ADCY1: variants seen among roughly 807,000 people sequenced by gnomAD.
ADCY1 encodes the protein adenylate cyclase type 1.
In ADCY1, 28 loss-of-function variants were observed where a neutral mutation model predicts 105.4. The observed-to-expected ratio is 0.27, with a 90% confidence interval of 0.20 to 0.36. The LOEUF is 0.36. ADCY1 is among the 10% of genes least tolerant of loss of function. The probability of loss-of-function intolerance (pLI) is 1.00; values close to 1 mark genes in which losing one functional copy is unlikely to be tolerated. For synonymous variants in ADCY1, 655 were observed against 623.8 expected, an observed-to-expected ratio of 1.05 and a Z score of -0.75; for missense variants, 977 against 1,434.2, an observed-to-expected ratio of 0.68 and a Z score of 5.15.
intron 7 of ADCY1, among the ~76,000 whole-genome samples, chr7:45,660,628 T>G (rs1369944879): frequency 6.6e-6 from 1 of 152,188 alleles, no homozygotes; most frequent in Non-Finnish European, 1.5e-5. Flanking sequence ...TCAAGAGTGA[T>G]CAAGTCACTT....
intron 14 of ADCY1, among the ~76,000 whole-genome samples, chr7:45,700,865 T>C (rs918778648): frequency 1.3e-5 from 2 of 152,208 alleles, no homozygotes; most frequent in Non-Finnish European, 2.9e-5. Context: ...GGGTCACTCA[T>C]AGCACATGTC....
chr7:45,619,683 A>T (rs913897277), intron 3 of ADCY1, among the ~76,000 whole-genome samples: 2 of 152,216 alleles, frequency 1.3e-5, no homozygotes, highest in Non-Finnish European at 2.9e-5. Flanking sequence ...TAAAATAGTC[A>T]AATTCATAGC....
At chr7:45,702,107 T>G (rs886854775) in intron 14 of ADCY1, among the ~76,000 whole-genome samples, 1 of 152,186 alleles carries the variant, frequency 6.6e-6, no homozygotes, top group Non-Finnish European at 1.5e-5. Flanking sequence ...GTCATCTCTA[T>G]CCTTAGAAAT....
chr7:45,603,896 T>C (rs1006527226), intron 2 of ADCY1, among the ~76,000 whole-genome samples: 6 of 152,256 alleles, frequency 3.9e-5, no homozygotes, highest in Non-Finnish European at 8.8e-5. Context: ...TTGTTTCTTT[T>C]TATTACTAAG....
At chr7:45,583,927 A>G (rs941029595) in intron 1 of ADCY1, among the ~76,000 whole-genome samples, 2 of 133,698 alleles carry the variant, frequency 1.5e-5, no homozygotes, top group African/African-American at 5.8e-5. Context: ...GGCATGAGCC[A>G]CTGTGCCCTG....
chr7:45,623,110 T>C (rs893565677), intron 4 of ADCY1, among the ~76,000 whole-genome samples: 1 of 152,206 alleles, frequency 6.6e-6, no homozygotes, highest in African/African-American at 2.4e-5. Context: ...TCCCTCGTTC[T>C]GGGCTCTACT....
In ADCY1 at chr7:45,710,766, G is replaced by A; in HGVS notation, c.3057+114G>A. 1.0e-5 allele frequency: 14 copies of A among 1,366,318 alleles called. No individual in the cohort carries two copies. The South Asian group carries it at 2.1e-4, about 21-fold the overall frequency. 84.6% of individuals were successfully genotyped at this position (1,366,318 alleles called of 1,614,324 possible). On this transcript the variant is annotated intron_variant, in intron 19 of 19. Transcript: ENST00000297323. The surrounding 1 kb of genome is among the most constrained non-coding windows in gnomAD (Gnocchi z 4.7). ...TCTACAGCCCGTAAGTGGCAGGGCAGAAAGAGCTGCATATTTCGGTCTGTC... is the reference window on the plus strand; with the variant it reads ...TCTACAGCCCGTAAGTGGCAGGGCAAAAAGAGCTGCATATTTCGGTCTGTC...
chr7:45,605,151 CT>C (rs1793339360), intron 2 of ADCY1, among the ~76,000 whole-genome samples: 1 of 152,060 alleles, frequency 6.6e-6, no homozygotes, highest in Non-Finnish European at 1.5e-5. Context: ...ATGTAATTGA[CT>C]TTTGTATATT....
At chr7:45,590,252 T>A (rs533876938) in intron 1 of ADCY1, among the ~76,000 whole-genome samples, 3 of 152,238 alleles carry the variant, frequency 2.0e-5, no homozygotes, top group African/African-American at 7.2e-5. Context: ...AAACCTGTAA[T>A]CTAAGCCCAT....
chr7:45,669,171 GC>G (rs1276093037), intron 8 of ADCY1, among the ~76,000 whole-genome samples: 1 of 152,170 alleles, frequency 6.6e-6, no homozygotes, highest in Admixed American at 6.5e-5. Context: ...GCTTCCGCTA[GC>G]TTTTGAATGT....
At position 45,704,619 on chromosome 7, in the gene ADCY1, G is replaced by A. The variant is rs752026233; in HGVS notation, c.2817+3G>A. On this transcript the variant is annotated splice_donor_region_variant and intron_variant, in intron 17 of 19. Coordinates refer to ENST00000297323, the MANE Select transcript of ADCY1 (RefSeq NM_021116.4). ...TAGCGCCCACCTCGGGGACCAAGGTGAGTGCAGCCTGGCGCTGCCTGCTTG... is the reference window on the plus strand; with the variant it reads ...TAGCGCCCACCTCGGGGACCAAGGTAAGTGCAGCCTGGCGCTGCCTGCTTG... 64 of 1,613,494 alleles carry A rather than the reference G, an allele frequency of 4.0e-5. No individual in the cohort carries two copies. The highest frequency in any genetic ancestry group is 5.3e-5 in the Non-Finnish European group (62 of 1,179,702).
At chr7:45,702,632 C>T (rs1404198339) in intron 14 of ADCY1, among the ~76,000 whole-genome samples, 2 of 152,250 alleles carry the variant, frequency 1.3e-5, no homozygotes, top group South Asian at 2.1e-4. Flanking sequence ...GCCAAGAGCA[C>T]TTCTTGAGCC....
rs1422008741 is a variant in ADCY1 at position 45,719,751 on chromosome 7, A to G, written c.*5756A>G. ...GGATTCATATGAGGAACAAAATTAAATTTGAATACAGTCAGATAACTGCCA... is the reference window on the plus strand; with the variant it reads ...GGATTCATATGAGGAACAAAATTAAGTTTGAATACAGTCAGATAACTGCCA... On this transcript the variant is annotated 3_prime_UTR_variant, in exon 20 of 20. Coordinates refer to ENST00000297323, the MANE Select transcript of ADCY1 (RefSeq NM_021116.4). The G allele has an allele frequency of 6.6e-6, 1 of 152,220 alleles. No individual in the cohort carries two copies. The highest frequency in any genetic ancestry group is 1.9e-4 in the East Asian group (1 of 5,182). The allele number at this position is 152,220 out of a possible 1,614,324, so 9.4% of individuals were successfully genotyped here. A position where few individuals can be genotyped will look rare whatever the true frequency, so the allele number is the denominator to read the frequency against.
rs1461280169 is a variant in ADCY1 at position 45,718,094 on chromosome 7, C to T, written c.*4099C>T. 3 of 152,164 alleles carry T rather than the reference C, an allele frequency of 2.0e-5. No homozygotes were observed. The highest frequency in any genetic ancestry group is 4.8e-5 in the African/African-American group (2 of 41,424). The allele number at this position is 152,164 out of a possible 1,614,324, so 9.4% of individuals were successfully genotyped here. A position where few individuals can be genotyped will look rare whatever the true frequency, so the allele number is the denominator to read the frequency against. Reference sequence around the variant, plus strand: ...CCAGGCTGGTCAGAGCTCAGCACCCCAGGTCTGGTGAGCAGACAGAGCCGG... The same window carrying T: ...CCAGGCTGGTCAGAGCTCAGCACCCTAGGTCTGGTGAGCAGACAGAGCCGG... On this transcript the variant is annotated 3_prime_UTR_variant, in exon 20 of 20. Transcript: ENST00000297323.
At chr7:45,671,189 A>G (rs1473782199) in intron 8 of ADCY1, among the ~76,000 whole-genome samples, 1 of 152,172 alleles carries the variant, frequency 6.6e-6, no homozygotes, top group African/African-American at 2.4e-5. Flanking sequence ...ATCATACAGT[A>G]TGTGATCTCT....
In ADCY1 at chr7:45,591,625, A is replaced by G. The variant is rs1043080127; in HGVS notation, c.640-1134A>G. ...CGAGTGACCAAGGGACACCCGTTTC[A>G]TACAATACTTACAAACTGCAGCCCC... On this transcript the variant is annotated intron_variant, in intron 1 of 19. Coordinates refer to ENST00000297323, the MANE Select transcript of ADCY1 (RefSeq NM_021116.4). This position sits in a 1 kb window ranked among gnomAD's most constrained non-coding sequence, Gnocchi z 4.1. 2.6e-5 allele frequency among the ~76,000 whole-genome samples: 4 copies of G among 152,230 alleles called. No homozygotes were observed. The highest frequency in any genetic ancestry group is 5.9e-5 in the Non-Finnish European group (4 of 68,044).
rs575055966 is a variant in ADCY1, at chr7:45,597,742, C to G, written c.789+4834C>G. 2.3e-3 allele frequency among the ~76,000 whole-genome samples: 345 copies of G among 152,324 alleles called. 1 individual carries two copies. The highest frequency in any genetic ancestry group is 0.014 in the Middle Eastern group (4 of 294). On this transcript the variant is annotated intron_variant, in intron 2 of 19. Transcript: ENST00000297323. ...TATGAGGGGAAATATTACAGTAGCTCTCACTCTCCTCCCGTCCACCTTCTC... is the reference window on the plus strand; with the variant it reads ...TATGAGGGGAAATATTACAGTAGCTGTCACTCTCCTCCCGTCCACCTTCTC...
chr7:45,708,932 A>G lies in ADCY1; in HGVS notation c.2932+468A>G, dbSNP rs1584346809. On this transcript the variant is annotated intron_variant, in intron 18 of 19. Transcript: ENST00000297323. This position sits in a 1 kb window ranked among gnomAD's most constrained non-coding sequence, Gnocchi z 4.7. ...AGGAGGAAAAACCATTGGATGCCCC[A>G]GTTCCTTTCTAGCTTTTATAAAACT... 6.6e-6 allele frequency among the ~76,000 whole-genome samples: 1 copy of G among 151,000 alleles called. No homozygotes were observed. The highest frequency in any genetic ancestry group is 1.5e-5 in the Non-Finnish European group (1 of 67,838).
At chr7:45,665,869 C>G (rs1056068227) in intron 8 of ADCY1, among the ~76,000 whole-genome samples, 1 of 152,176 alleles carries the variant, frequency 6.6e-6, no homozygotes, top group Non-Finnish European at 1.5e-5. Context: ...CTACTGGTGT[C>G]ATGAACATCT....
Sources: allele counts gnomAD v4.1 joint callset (sites outside exome capture counted in the v4.1 genomes callset), GRCh38; gene constraint gnomAD v4.1.1; non-coding constraint Gnocchi (gnomAD v3.1); transcripts MANE v1.5; gene names NCBI Gene and HGNC (gene_info 2026-07-23, HGNC 2026-07-21).